The following SSBP2 variants were observed in gnomAD, a reference collection of about 807,000 sequenced individuals.
SSBP2 encodes the protein single stranded DNA binding protein 2.
A neutral mutation model predicts 61.8 loss-of-function variants in SSBP2; 17 were observed. That is an observed-to-expected ratio of 0.28 (90% CI 0.19 to 0.41). The LOEUF is 0.41. SSBP2 is among the 10% of genes least tolerant of loss of function. SSBP2 has a pLI of 1.00. For synonymous variants in SSBP2, 139 were observed against 141.3 expected, an observed-to-expected ratio of 0.98 and a Z score of 0.12; for missense variants, 310 against 458.7, an observed-to-expected ratio of 0.68 and a Z score of 2.96.
intron 1 of SSBP2, among the ~76,000 whole-genome samples, chr5:81,729,048 T>C (rs1020673934): frequency 3.9e-5 from 6 of 152,196 alleles, no homozygotes; most frequent in African/African-American, 1.4e-4. Flanking sequence ...ATTAGCCTGA[T>C]TTAATCATTC....
intron 1 of SSBP2, among the ~76,000 whole-genome samples, chr5:81,661,908 A>G (rs1750728728): frequency 6.6e-6 from 1 of 152,194 alleles, no homozygotes; most frequent in African/African-American, 2.4e-5. Flanking sequence ...CCATGAAATC[A>G]TTGCTAAAAG....
rs753296566 is a variant in SSBP2, at chr5:81,600,325, G to A, written c.282+15148C>T. On this transcript the variant is annotated intron_variant, in intron 4 of 16. Transcript: ENST00000320672. Reference sequence around the variant, plus strand: ...CGCCTGTAATCCCAGCACTTTGGGAGGCCAAGGCGGGCAGATCATGAGGTC... The same window carrying A: ...CGCCTGTAATCCCAGCACTTTGGGAAGCCAAGGCGGGCAGATCATGAGGTC... 3.3e-5 allele frequency among the ~76,000 whole-genome samples: 5 copies of A among 152,010 alleles called. 1 individual carries two copies. The highest frequency in any genetic ancestry group is 7.4e-5 in the Non-Finnish European group (5 of 67,994).
At chr5:81,542,931 T>G (rs1434165527) in intron 4 of SSBP2, among the ~76,000 whole-genome samples, 2 of 151,148 alleles carry the variant, frequency 1.3e-5, no homozygotes, top group East Asian at 3.9e-4. Flanking sequence ...CTCGACTCAC[T>G]GCAACCTCTG....
At chr5:81,521,328 C>T (rs928223746) in intron 4 of SSBP2, among the ~76,000 whole-genome samples, 3 of 151,862 alleles carry the variant, frequency 2.0e-5, no homozygotes, top group African/African-American at 7.3e-5. Context: ...TAATTTTTGA[C>T]CTTAACCTTC....
At chr5:81,457,390 A>G (rs916340631) in intron 10 of SSBP2, among the ~76,000 whole-genome samples, 1 of 152,256 alleles carries the variant, frequency 6.6e-6, no homozygotes, top group African/African-American at 2.4e-5. Context: ...GAATTCAAAA[A>G]TATCCATTTG....
intron 5 of SSBP2, among the ~76,000 whole-genome samples, chr5:81,500,482 A>G (rs1032798328): frequency 2.0e-5 from 3 of 151,720 alleles, no homozygotes; most frequent in African/African-American, 7.3e-5. Context: ...AAAGTGCTGG[A>G]ACGGAGTCTC....
intron 1 of SSBP2, among the ~76,000 whole-genome samples, chr5:81,725,742 G>GT (rs1028015233): frequency 2.0e-5 from 3 of 152,112 alleles, no homozygotes; most frequent in African/African-American, 7.2e-5. Flanking sequence ...CTGAAATACA[G>GT]TTTTAAAAAG....
Position 81,492,618 on chromosome 5 carries a change from C to T in SSBP2, c.373-3309G>A, listed in dbSNP as rs1177592304. Among the ~76,000 whole-genome samples, 10 of 150,918 alleles carry T rather than the reference C, an allele frequency of 6.6e-5. No homozygotes were observed. In the East Asian group the frequency reaches 1.8e-3, roughly 26 times the overall value. On this transcript the variant is annotated intron_variant, in intron 5 of 16. Coordinates refer to ENST00000320672, the MANE Select transcript of SSBP2 (RefSeq NM_012446.5). The stretch of plus-strand genomic sequence containing the variant: ...TTTTTTTAAGTTTGAGTAACAAATA[C>T]TTGTTTGAAGGTATCATGATGGTGA...
At chr5:81,693,869 ACCTG>A (rs1403204441) in intron 1 of SSBP2, among the ~76,000 whole-genome samples, 3 of 152,212 alleles carry the variant, frequency 2.0e-5, no homozygotes, top group Non-Finnish European at 4.4e-5. Flanking sequence ...TTGAAGAGAT[ACCTG>A]CACTCCCATA....
intron 15 of SSBP2, among the ~76,000 whole-genome samples, chr5:81,432,411 G>A (rs1404806869): frequency 1.3e-5 from 2 of 152,164 alleles, no homozygotes; most frequent in Non-Finnish European, 2.9e-5. Flanking sequence ...TGTGAGATAT[G>A]TTAATACGAA....
chr5:81,705,881 C>T (rs1754344461), intron 1 of SSBP2, among the ~76,000 whole-genome samples: 1 of 152,178 alleles, frequency 6.6e-6, no homozygotes, highest in African/African-American at 2.4e-5. Context: ...AGAGAACACA[C>T]ATACACTGTT....
intron 1 of SSBP2, among the ~76,000 whole-genome samples, chr5:81,691,573 A>C (rs921217706): frequency 1.3e-4 from 20 of 152,022 alleles, no homozygotes; most frequent in African/African-American, 4.8e-4. Flanking sequence ...TAAAAAAAAA[A>C]ACTCCCAGCA....
chr5:81,485,936 T>C (rs891621428), intron 6 of SSBP2, among the ~76,000 whole-genome samples: 5 of 152,194 alleles, frequency 3.3e-5, no homozygotes, highest in African/African-American at 1.2e-4. Context: ...TGCTCCTAAC[T>C]AGGTTAAACA....
At chr5:81,434,042 C>T (rs1028650536) in intron 15 of SSBP2, among the ~76,000 whole-genome samples, 2 of 152,196 alleles carry the variant, frequency 1.3e-5, no homozygotes, top group Admixed American at 1.3e-4. Flanking sequence ...AGGGAATGAA[C>T]TAAAATCTTT....
At chr5:81,631,099 A>G (rs1747663109) in intron 3 of SSBP2, among the ~76,000 whole-genome samples, 1 of 152,196 alleles carries the variant, frequency 6.6e-6, no homozygotes, top group Non-Finnish European at 1.5e-5. Context: ...ATACTATATA[A>G]AAAGAAAATT....
chr5:81,696,793 C>T (rs1753632290), intron 1 of SSBP2, among the ~76,000 whole-genome samples: 1 of 152,216 alleles, frequency 6.6e-6, no homozygotes, highest in African/African-American at 2.4e-5. Context: ...ATTTCCTACA[C>T]TAAGAAACAC....
At chr5:81,479,063 T>C (rs1765794410) in intron 6 of SSBP2, among the ~76,000 whole-genome samples, 1 of 152,228 alleles carries the variant, frequency 6.6e-6, no homozygotes, top group Non-Finnish European at 1.5e-5. Flanking sequence ...CATCACTGTT[T>C]GTCTTTTAGA....
chr5:81,455,342 G>A (rs997022164), intron 10 of SSBP2, among the ~76,000 whole-genome samples: 7 of 53,690 alleles, frequency 1.3e-4, no homozygotes, highest in South Asian at 4.4e-4. Flanking sequence ...CTTCTAGGCC[G>A]GGCGCGGTGG....
intron 1 of SSBP2, among the ~76,000 whole-genome samples, chr5:81,668,621 T>C (rs1185698392): frequency 6.6e-6 from 1 of 152,146 alleles, no homozygotes; most frequent in African/African-American, 2.4e-5. Context: ...ACTACTTAAA[T>C]GGCCTTTCCT....
Sources: gnomAD v4.1 joint callset for allele counts (sites outside exome capture counted in the v4.1 genomes callset) on GRCh38, gnomAD v4.1.1 for gene constraint, MANE v1.5 for transcripts, NCBI Gene and HGNC (gene_info 2026-07-23, HGNC 2026-07-21) for gene names.